Variants in METTL15 observed in about 807,000 individuals in gnomAD.
The protein encoded by METTL15 is methyltransferase 15, mitochondrial 12S rRNA N4-cytidine.
METTL15 carries 34 observed loss-of-function variants against 38.3 expected under a neutral mutation model. The ratio of observed to expected loss-of-function variants is 0.89; its 90% confidence interval spans 0.68 to 1.18. METTL15 has a LOEUF of 1.18. METTL15 is among the 50% of genes most tolerant of loss of function. The pLI, the probability that METTL15 is intolerant of heterozygous loss-of-function variation, is 0.00. For missense variants in METTL15, 438 were observed against 498.4 expected (o/e 0.88, Z 1.15); for synonymous variants, 162 against 170.9 (o/e 0.95, Z 0.41).
At chr11:28,120,580 G>A (rs1839469756) in intron 3 of METTL15, among the ~76,000 whole-genome samples, 1 of 151,620 alleles carries the variant, frequency 6.6e-6, no homozygotes, top group Non-Finnish European at 1.5e-5. Context: ...ATTTCCATGG[G>A]GTACGTTCCT....
rs182896252 is a variant in METTL15, at chr11:28,287,783, G to A, written c.408-2423G>A. 2.9e-3 allele frequency among the ~76,000 whole-genome samples: 437 copies of A among 152,158 alleles called. 3 individuals carry two copies. Among genetic ancestry groups the A allele is most frequent in the Non-Finnish European group, 4.8e-3 (324 of 67,994 alleles). On this transcript the variant is annotated intron_variant, in intron 4 of 6. Coordinates refer to ENST00000407364, the MANE Select transcript of METTL15 (RefSeq NM_001113528.2). ...CAACCCTTTTTATCAAGGGGATCAGGCATAATTTTTGCTTATCCCTCATTA... is the reference window on the plus strand; with the variant it reads ...CAACCCTTTTTATCAAGGGGATCAGACATAATTTTTGCTTATCCCTCATTA...
intron 5 of METTL15, among the ~76,000 whole-genome samples, chr11:28,408,700 G>A (rs1850698091): frequency 6.6e-6 from 1 of 152,206 alleles, no homozygotes; most frequent in East Asian, 1.9e-4. Context: ...ACTGACATAT[G>A]TAATATACAA....
intron 6 of METTL15, among the ~76,000 whole-genome samples, chr11:28,524,881 A>G (rs1229207422): frequency 6.6e-6 from 1 of 152,168 alleles, no homozygotes; most frequent in Non-Finnish European, 1.5e-5. Flanking sequence ...TGAGTGTTAC[A>G]GTTCTTAAAG....
chr11:28,307,577 C>T (rs1226524384), intron 6 of METTL15, among the ~76,000 whole-genome samples: 1 of 151,914 alleles, frequency 6.6e-6, no homozygotes, highest in Non-Finnish European at 1.5e-5. Context: ...ACTTGTAGTA[C>T]CTTTCCTATT....
chr11:28,480,674 C>A (rs1157169422), intron 6 of METTL15, among the ~76,000 whole-genome samples: 1 of 152,092 alleles, frequency 6.6e-6, no homozygotes, highest in African/African-American at 2.4e-5. Context: ...GCCTTGCAAT[C>A]GTATATTATT....
At chr11:28,301,638 A>G (rs191201559) in intron 6 of METTL15, among the ~76,000 whole-genome samples, 8 of 152,282 alleles carry the variant, frequency 5.3e-5, no homozygotes, top group Admixed American at 5.2e-4. Flanking sequence ...AAATAATTTT[A>G]TCTTCATTAC....
chr11:28,385,410 A>T (rs1319344422), intron 5 of METTL15, among the ~76,000 whole-genome samples: 5 of 151,796 alleles, frequency 3.3e-5, no homozygotes, highest in Non-Finnish European at 5.9e-5. Flanking sequence ...TCTTTTTTCC[A>T]CTGCTTGTTT....
intron 4 of METTL15, among the ~76,000 whole-genome samples, chr11:28,238,295 G>C (rs1445033891): frequency 1.3e-5 from 2 of 152,114 alleles, no homozygotes; most frequent in Non-Finnish European, 2.9e-5. Flanking sequence ...TTTACCTAAG[G>C]GAGCCTGGGC....
intron 3 of METTL15, among the ~76,000 whole-genome samples, chr11:28,173,587 A>T (rs1850939193): frequency 6.6e-6 from 1 of 152,222 alleles, no homozygotes; most frequent in Non-Finnish European, 1.5e-5. Flanking sequence ...AACATCTTAC[A>T]TTAGTATGGT....
chr11:28,342,936 C>T (rs569796736), intron 3 of METTL15, among the ~76,000 whole-genome samples: 76 of 152,300 alleles, frequency 5.0e-4, no homozygotes, highest in African/African-American at 1.8e-3. Flanking sequence ...ACTCATACAA[C>T]TTTCACTTAA....
intron 5 of METTL15, among the ~76,000 whole-genome samples, chr11:28,363,145 G>T (rs150767889): frequency 6.6e-6 from 1 of 151,936 alleles, no homozygotes; most frequent in African/African-American, 2.4e-5. Flanking sequence ...TTGGCCACTT[G>T]TATGTCTTTA....
intron 4 of METTL15, among the ~76,000 whole-genome samples, chr11:28,263,112 G>A (rs1242883517): frequency 2.0e-5 from 3 of 151,602 alleles, no homozygotes; most frequent in African/African-American, 7.3e-5. Flanking sequence ...TTAAAATGTG[G>A]TGCTCCGAAC....
chr11:28,299,120 G>A (rs1856832803), intron 6 of METTL15, among the ~76,000 whole-genome samples: 1 of 152,084 alleles, frequency 6.6e-6, no homozygotes, highest in African/African-American at 2.4e-5. Flanking sequence ...GATAAAAGCA[G>A]ATAACTATAG....
chr11:28,455,069 G>C (rs2585804), intron 6 of METTL15, among the ~76,000 whole-genome samples: 1 of 152,152 alleles, frequency 6.6e-6, no homozygotes, highest in Non-Finnish European at 1.5e-5. Context: ...AAGATACTCA[G>C]GTCCCCTGAA....
intron 6 of METTL15, among the ~76,000 whole-genome samples, chr11:28,479,168 T>C (rs971208872): frequency 1.3e-5 from 2 of 152,114 alleles, no homozygotes; most frequent in African/African-American, 4.8e-5. Flanking sequence ...GTTGTTGCTA[T>C]TTTGTTTTAT....
intron 6 of METTL15, among the ~76,000 whole-genome samples, chr11:28,453,774 G>T (rs1473269501): frequency 6.6e-6 from 1 of 152,166 alleles, no homozygotes; most frequent in Non-Finnish European, 1.5e-5. Context: ...CTTTCACTAT[G>T]TGCGAGTACT....
At chr11:28,110,108 G>A (rs1851654543) in intron 1 of METTL15, 58 bp from the exon 2 acceptor site, 1 of 152,224 alleles carries the variant, frequency 6.6e-6, no homozygotes, top group Admixed American at 6.5e-5. Context: ...AATAAAAATG[G>A]AAAAAGTAAA....
chr11:28,324,670 A>G, intron 6 of METTL15, among the ~76,000 whole-genome samples: 1 of 152,202 alleles, frequency 6.6e-6, no homozygotes, highest in Non-Finnish European at 1.5e-5. Flanking sequence ...ATGACATTTA[A>G]AAAGTATTTT....
At chr11:28,483,108 GA>G (rs1851410248) in intron 6 of METTL15, among the ~76,000 whole-genome samples, 2 of 151,882 alleles carry the variant, frequency 1.3e-5, no homozygotes, top group Non-Finnish European at 2.9e-5. Context: ...GCACTAATAG[GA>G]ATTTCTTTGC....
Sources: gnomAD v4.1 joint callset for allele counts (sites outside exome capture counted in the v4.1 genomes callset) on GRCh38, gnomAD v4.1.1 for gene constraint, MANE v1.5 for transcripts, NCBI Gene and HGNC (gene_info 2026-07-23, HGNC 2026-07-21) for gene names.